AMBRA1: variants seen among roughly 807,000 people sequenced by gnomAD.
The protein encoded by AMBRA1 is activating molecule in BECN1-regulated autophagy protein 1.
A neutral mutation model predicts 125.4 loss-of-function variants in AMBRA1; 47 were observed. The observed-to-expected ratio is 0.37, with a 90% CI of 0.30 to 0.48. AMBRA1 has a LOEUF of 0.48. AMBRA1 is among the 20% of genes least tolerant of loss of function. The probability of loss-of-function intolerance (pLI) is 0.99; values close to 1 mark genes in which losing one functional copy is unlikely to be tolerated. For synonymous variants in AMBRA1, 626 were observed against 655.5 expected (o/e 0.95, Z 0.69); for missense variants, 1,331 against 1,693.4 (o/e 0.79, Z 3.76).
chr11:46,575,839 C>T (rs58031860), intron 1 of AMBRA1, among the ~76,000 whole-genome samples: 2,486 of 152,222 alleles, frequency 0.016, 67 homozygotes, highest in African/African-American at 0.057. Flanking sequence ...CCAGGCACCA[C>T]AAACCAAAAA....
chr11:46,551,739 A>G (rs2043003233), intron 1 of AMBRA1, among the ~76,000 whole-genome samples: 1 of 151,538 alleles, frequency 6.6e-6, no homozygotes, highest in African/African-American at 2.4e-5. Flanking sequence ...TAAAAAGACA[A>G]AAATTAGGCC....
intron 9 of AMBRA1, chr11:46,495,217 C>T (rs1950591282): frequency 6.6e-6 from 1 of 152,198 alleles, no homozygotes; most frequent in Non-Finnish European, 1.5e-5. Flanking sequence ...TTAACCAACT[C>T]CACAAAATAA....
intron 1 of AMBRA1, among the ~76,000 whole-genome samples, chr11:46,553,700 G>A (rs550256010): frequency 5.9e-5 from 9 of 151,836 alleles, no homozygotes; most frequent in South Asian, 4.2e-4. Context: ...AGCTGAGACC[G>A]TGCCATTGTA....
chr11:46,404,401 C>G (rs1945904824), intron 17 of AMBRA1, among the ~76,000 whole-genome samples: 1 of 152,160 alleles, frequency 6.6e-6, no homozygotes, highest in African/African-American at 2.4e-5. Context: ...GATCCCTGGG[C>G]TCCCCTGAAG....
At chr11:46,572,958 G>A (rs1308509656) in intron 1 of AMBRA1, among the ~76,000 whole-genome samples, 1 of 151,876 alleles carries the variant, frequency 6.6e-6, no homozygotes, top group Non-Finnish European at 1.5e-5. Flanking sequence ...GGGTGTGGTG[G>A]TGGACGCCTG....
chr11:46,516,434 T>C (rs1273179619), intron 7 of AMBRA1, among the ~76,000 whole-genome samples: 26 of 139,320 alleles, frequency 1.9e-4, no homozygotes, highest in African/African-American at 6.7e-4. Context: ...TTTTTTTTTT[T>C]TTTTTTTTTT....
At chr11:46,588,211 A>G (rs1212334002) in intron 1 of AMBRA1, among the ~76,000 whole-genome samples, 1 of 152,090 alleles carries the variant, frequency 6.6e-6, no homozygotes, top group Non-Finnish European at 1.5e-5. Context: ...ACGTGTCTGT[A>G]ATCCCAGCTA....
At chr11:46,425,375 G>A (rs1205663814) in intron 14 of AMBRA1, among the ~76,000 whole-genome samples, 1 of 148,710 alleles carries the variant, frequency 6.7e-6, no homozygotes, top group Non-Finnish European at 1.5e-5. Context: ...TCTCTGTTCA[G>A]GACAGGGATT....
At chr11:46,565,189 C>T (rs1230810883) in intron 1 of AMBRA1, among the ~76,000 whole-genome samples, 5 of 151,406 alleles carry the variant, frequency 3.3e-5, no homozygotes, top group African/African-American at 1.2e-4. Flanking sequence ...GCCCAGGAGG[C>T]GAAGGTTGCA....
intron 9 of AMBRA1, chr11:46,495,431 T>A (rs1164031386): frequency 1.3e-5 from 2 of 152,242 alleles, no homozygotes; most frequent in Non-Finnish European, 2.9e-5. Context: ...CTGCCGAGCA[T>A]TAAATGACAA....
chr11:46,429,180 A>C (rs1019923424), intron 14 of AMBRA1: 8 of 1,514,628 alleles, frequency 5.3e-6, no homozygotes, highest in Non-Finnish European at 7.2e-6. Flanking sequence ...CACTGGCTTC[A>C]TCCTCCCCCT....
At chr11:46,414,467 C>G (rs1946439960) in intron 15 of AMBRA1, among the ~76,000 whole-genome samples, 1 of 152,214 alleles carries the variant, frequency 6.6e-6, no homozygotes, top group African/African-American at 2.4e-5. Flanking sequence ...ATAGTCTCAG[C>G]CCACCTCTCT....
At chr11:46,534,557 G>GGAATGAGT (rs1952376470) in intron 7 of AMBRA1, among the ~76,000 whole-genome samples, 1 of 152,122 alleles carries the variant, frequency 6.6e-6, no homozygotes, top group South Asian at 2.1e-4. Flanking sequence ...ATCTGTTAAT[G>GGAATGAGT]GAATGAGTGA....
At chr11:46,523,946 G>A (rs147603787) in intron 7 of AMBRA1, among the ~76,000 whole-genome samples, 3 of 152,242 alleles carry the variant, frequency 2.0e-5, no homozygotes, top group African/African-American at 4.8e-5. Context: ...TAGGCTCACC[G>A]CAACCTTCAC....
chr11:46,490,735 G>A (rs1950430877), intron 11 of AMBRA1, among the ~76,000 whole-genome samples: 1 of 152,166 alleles, frequency 6.6e-6, no homozygotes, highest in South Asian at 2.1e-4. Context: ...TCTGGAGTAA[G>A]ACTGAGTCAT....
At chr11:46,502,384 C>G (rs1431080632) in intron 9 of AMBRA1, among the ~76,000 whole-genome samples, 1 of 152,184 alleles carries the variant, frequency 6.6e-6, no homozygotes, top group Non-Finnish European at 1.5e-5. Context: ...CTCTTGCACT[C>G]CTAATATTAG....
Position 46,543,366 on chromosome 11 carries a change from TC to T in AMBRA1, c.650del (p.Gly217GlufsTer149). On this transcript the variant is annotated frameshift_variant, in exon 7 of 18. Coordinates refer to ENST00000683756, the MANE Select transcript of AMBRA1 (RefSeq NM_001387011.1). LOFTEE classifies it high-confidence loss of function. The stretch of plus-strand genomic sequence containing the variant: ...GCTGACGGTAGTGGGATAATTCTGT[TC>T]CATCTATGGGGATCTCTGGTTCGTC... ...GDDEPEIPID[G>X]TELSHYRQRA... The T allele has an allele frequency of 6.2e-7, 1 of 1,613,928 alleles. No individual in the cohort carries two copies. The highest frequency in any genetic ancestry group is 8.5e-7 in the Non-Finnish European group (1 of 1,179,946).
At chr11:46,406,898 A>G (rs1946047128) in intron 17 of AMBRA1, among the ~76,000 whole-genome samples, 1 of 135,282 alleles carries the variant, frequency 7.4e-6, no homozygotes, top group South Asian at 2.4e-4. Context: ...ATAAAAAAAC[A>G]GGCCAGGCAC....
intron 1 of AMBRA1, among the ~76,000 whole-genome samples, chr11:46,573,000 C>G (rs2043818987): frequency 6.6e-6 from 1 of 150,614 alleles, no homozygotes; most frequent in African/African-American, 2.5e-5. Flanking sequence ...CTGCAGGAGG[C>G]TGAGGCAGGC....
Sources: allele counts gnomAD v4.1 joint callset (sites outside exome capture counted in the v4.1 genomes callset), GRCh38; gene constraint gnomAD v4.1.1; transcripts MANE v1.5; gene names NCBI Gene and HGNC (gene_info 2026-07-23, HGNC 2026-07-21).